LRRC53: variants seen among roughly 807,000 people sequenced by gnomAD.
LRRC53 encodes leucine rich repeat containing 53, also known as leucine-rich repeat-containing protein 53.
LRRC53 carries 25 observed loss-of-function variants against 13.6 expected under a neutral mutation model. That is an observed-to-expected ratio of 1.83 (90% CI 1.34 to 2.56). The LOEUF (loss-of-function observed/expected upper bound fraction) is 2.56. Ranked by LOEUF, LRRC53 falls within the 30% of genes most tolerant of loss-of-function variation. The pLI is 0.00. For synonymous variants in LRRC53, 204 were observed against 109.8 expected (o/e 1.86, Z -5.37); for missense variants, 527 against 275.8 (o/e 1.91, Z -6.45).
upstream of LRRC53, among the ~76,000 whole-genome samples, chr1:74,512,767 G>T (rs909269238): frequency 1.3e-5 from 2 of 152,222 alleles, no homozygotes; most frequent in Non-Finnish European, 2.9e-5. Context: ...ACCACTGACG[G>T]GTTGCTATTT....
chr1:74,480,366 T>C lies in LRRC53; in HGVS notation c.691A>G (p.Asn231Asp), dbSNP rs774099770. ...DLHPLARFLR[N>D]YIKSSAHTLR... Reference sequence around the variant, plus strand: ...GTGTGAGCAGAAGACTTAATGTAGTTTCTTAAAAACCGAGCAAGGGGATGG... The same window carrying C: ...GTGTGAGCAGAAGACTTAATGTAGTCTCTTAAAAACCGAGCAAGGGGATGG... The change falls in exon 3 of 5, where the codon AAC (asparagine) becomes GAC (aspartate). Residue 231 changes from asparagine (N) to aspartate (D), a missense_variant. By Grantham distance (23) the Asn-to-Asp change is conservative (BLOSUM62 1). Transcript: ENST00000294635. The C allele has an allele frequency of 2.8e-6, 2 of 717,546 alleles. No individual in the cohort carries two copies. Among genetic ancestry groups the C allele is most frequent in the African/African-American group, 3.5e-5 (2 of 57,236 alleles). The allele number at this position is 717,546 out of a possible 1,614,324, so 44.4% of individuals were successfully genotyped here.
In LRRC53 at chr1:74,470,183, G is replaced by A. The variant is rs1055697960; in HGVS notation, c.3439C>T (p.His1147Tyr). The change falls in exon 5 of 5, where the codon CAT (histidine) becomes TAT (tyrosine). Residue 1147 changes from histidine to tyrosine, a missense_variant. Transcript: ENST00000294635. ...TAKDLSITSS[H>Y]ETQNRILCSE... ...CAAAGTATTCTATTTTGGGTTTCAT[G>A]GGAACTTGTGATACTTAAATCTTTA... 2.2e-5 allele frequency: 9 copies of A among 400,514 alleles called. No homozygotes were observed. The highest frequency in any genetic ancestry group is 4.0e-5 in the Non-Finnish European group (9 of 226,166). The allele number at this position is 400,514 out of a possible 1,614,324, so 24.8% of individuals were successfully genotyped here.
chr1:74,517,437 G>A (rs1646365475), upstream of LRRC53, among the ~76,000 whole-genome samples: 2 of 152,168 alleles, frequency 1.3e-5, no homozygotes, highest in Admixed American at 1.3e-4. Context: ...CTTGAGCAAG[G>A]TACTGTGCTG....
chr1:74,517,530 C>A (rs1350359751), upstream of LRRC53, among the ~76,000 whole-genome samples: 1 of 152,134 alleles, frequency 6.6e-6, no homozygotes, highest in African/African-American at 2.4e-5. Context: ...GCAGGAGTAG[C>A]CTTTAATAAT....
chr1:74,477,969 G>A (rs1668289163), intron 3 of LRRC53, among the ~76,000 whole-genome samples: 1 of 152,148 alleles, frequency 6.6e-6, no homozygotes, highest in Non-Finnish European at 1.5e-5. Context: ...TAGTGTAAGT[G>A]TCAAGATATT....
chr1:74,518,257 G>T, the LRRC53 span, among the ~76,000 whole-genome samples: 1 of 152,152 alleles, frequency 6.6e-6, no homozygotes, highest in Admixed American at 6.6e-5. Context: ...AGTCTGGATG[G>T]CTAGAAGAAT....
At chr1:74,497,798 A>G (rs992877184) in intron 1 of LRRC53, among the ~76,000 whole-genome samples, 4 of 152,164 alleles carry the variant, frequency 2.6e-5, no homozygotes, top group African/African-American at 9.7e-5. Context: ...ATTTGCATTA[A>G]AACCTTCAAT....
the LRRC53 span, among the ~76,000 whole-genome samples, chr1:74,531,097 T>C: frequency 6.6e-6 from 1 of 152,194 alleles, no homozygotes; most frequent in Non-Finnish European, 1.5e-5. Context: ...GCCAAGTCTT[T>C]CAGTTCTTTT....
the LRRC53 span, among the ~76,000 whole-genome samples, chr1:74,531,103 C>A: frequency 1.1e-4 from 16 of 152,174 alleles, no homozygotes; most frequent in African/African-American, 3.6e-4. Context: ...TCTTTCAGTT[C>A]TTTTATAGCC....
At chr1:74,528,522 G>A in the LRRC53 span, among the ~76,000 whole-genome samples, 6 of 152,156 alleles carry the variant, frequency 3.9e-5, no homozygotes, top group Non-Finnish European at 7.4e-5. Context: ...ACAGCAATGG[G>A]AGATTTGTAC....
chr1:74,524,402 C>T, the LRRC53 span, among the ~76,000 whole-genome samples: 4 of 152,194 alleles, frequency 2.6e-5, no homozygotes, highest in Non-Finnish European at 2.9e-5. Context: ...TCCAGGGCTG[C>T]TGTGGAGTTT....
rs901877792 is a variant in LRRC53 at position 74,477,169 on chromosome 1, A to G, written c.905-1359T>C. 2.6e-5 allele frequency among the ~76,000 whole-genome samples: 4 copies of G among 152,182 alleles called. No homozygotes were observed. The East Asian group carries it at 7.7e-4, about 29-fold the overall frequency. On this transcript the variant is annotated intron_variant, in intron 3 of 4. Transcript: ENST00000294635. ...TTTTGGTTTTAAAATGTTAAAGAATATATTAAAAAATTAAAAATTAGAACC... is the reference window on the plus strand; with the variant it reads ...TTTTGGTTTTAAAATGTTAAAGAATGTATTAAAAAATTAAAAATTAGAACC...
At chr1:74,528,599 G>A in the LRRC53 span, among the ~76,000 whole-genome samples, 3 of 152,204 alleles carry the variant, frequency 2.0e-5, no homozygotes, top group Non-Finnish European at 4.4e-5. Flanking sequence ...CTCACTGTCA[G>A]AGAATGGTGT....
In LRRC53 at chr1:74,471,761, C is replaced by T. The variant is rs893643969; in HGVS notation, c.1861G>A (p.Asp621Asn). Residue 621 changes from aspartate to asparagine, a missense_variant, in exon 5 of 5, where the codon GAT (aspartate) becomes AAT (asparagine). Physicochemically the swap from Asp to Asn is conservative, Grantham distance 23. Coordinates refer to ENST00000294635, the MANE Select transcript of LRRC53 (RefSeq NM_001382280.1). ...EKFLMSEDNI[D>N]LSGLSTKTKK... ...GTTTTTGTTGATAATCCTGATAAATCTATGTTGTCCTCACTCATAAGAAAT... is the reference window on the plus strand; with the variant it reads ...GTTTTTGTTGATAATCCTGATAAATTTATGTTGTCCTCACTCATAAGAAAT... 7.4e-6 allele frequency: 3 copies of T among 406,816 alleles called. No individual in the cohort carries two copies. Among genetic ancestry groups the T allele is most frequent in the Non-Finnish European group, 1.3e-5 (3 of 230,176 alleles). 25.2% of individuals were successfully genotyped at this position (406,816 alleles called of 1,614,324 possible).
intron 1 of LRRC53, among the ~76,000 whole-genome samples, chr1:74,507,231 C>CG (rs1553153846): frequency 2.1e-5 from 3 of 141,050 alleles, no homozygotes; most frequent in African/African-American, 7.6e-5. Context: ...TCACCCCCCC[C>CG]CCATCTTTTT....
chr1:74,520,838 T>G, the LRRC53 span, among the ~76,000 whole-genome samples: 41 of 152,238 alleles, frequency 2.7e-4, no homozygotes, highest in Non-Finnish European at 5.9e-5. Context: ...AAGCCCCTTA[T>G]GAAATTTAGA....
chr1:74,533,901 G>T, the LRRC53 span, among the ~76,000 whole-genome samples: 1 of 152,172 alleles, frequency 6.6e-6, no homozygotes. Flanking sequence ...GTGTGTTTTA[G>T]TAGAAAGAGT....
At chr1:74,530,745 A>ATTTTTTTT in the LRRC53 span, among the ~76,000 whole-genome samples, 1 of 144,560 alleles carries the variant, frequency 6.9e-6, no homozygotes, top group Non-Finnish European at 1.5e-5. Flanking sequence ...TTTTTCCTGG[A>ATTTTTTTT]TGATAGTATA....
At chr1:74,522,244 T>A in the LRRC53 span, among the ~76,000 whole-genome samples, 1 of 152,084 alleles carries the variant, frequency 6.6e-6, no homozygotes, top group Admixed American at 6.6e-5. Context: ...AAGAGAGACA[T>A]TTAGGACAGA....
Sources: gnomAD v4.1 joint callset for allele counts (sites outside exome capture counted in the v4.1 genomes callset) on GRCh38, gnomAD v4.1.1 for gene constraint, MANE v1.5 for transcripts, NCBI Gene and HGNC (gene_info 2026-07-23, HGNC 2026-07-21) for gene names.